Variants in SH3KBP1 observed in about 807,000 individuals in gnomAD.
SH3KBP1 encodes SH3 domain containing kinase binding protein 1, also known as SH3 domain-containing kinase-binding protein 1.
SH3KBP1 carries 8 observed loss-of-function variants against 50.1 expected under a neutral mutation model. That is an observed-to-expected ratio of 0.16 (90% CI 0.09 to 0.29). The LOEUF is 0.29. SH3KBP1 is among the 10% of genes least tolerant of loss of function. SH3KBP1 has a pLI of 1.00. For missense variants in SH3KBP1, 377 were observed against 535.2 expected (o/e 0.70, Z 2.92); for synonymous variants, 227 against 218.6 (o/e 1.04, Z -0.34).
At chrX:19,814,256 C>T (rs1372601953) in intron 2 of SH3KBP1, among the ~76,000 whole-genome samples, 1 of 111,357 alleles carries the variant, frequency 9.0e-6, no homozygotes, top group Non-Finnish European at 1.9e-5. Context: ...ACCCCCTGGT[C>T]TCCCCTGTAT....
At position 19,551,550 on chromosome X, in the gene SH3KBP1, C is replaced by CTTTTTTTTTTTTTTTTTTTTTTTTTT. The variant is rs397800260; in HGVS notation, c.1385-1468_1385-1467insAAAAAAAAAAAAAAAAAAAAAAAAAA. Among the ~76,000 whole-genome samples, 32 of 95,134 alleles carry CTTTTTTTTTTTTTTTTTTTTTTTTTT rather than the reference C, an allele frequency of 3.4e-4. 1 individual carries two copies. Among genetic ancestry groups the CTTTTTTTTTTTTTTTTTTTTTTTTTT allele is most frequent in the African/African-American group, 1.2e-3 (29 of 23,220 alleles). The allele number at this position is 95,134 out of a possible 115,157, so 82.6% of individuals were successfully genotyped here. On this transcript the variant is annotated intron_variant, in intron 13 of 17. Transcript: ENST00000397821. ...CTTTCTTTTCTTTCCCTCCCTCCCT[C>CTTTTTTTTTTTTTTTTTTTTTTTTTT]TTTTTTTTTTTTTTGACAGGGTCTT...
Position 19,621,773 on chromosome X carries a change from C to T in SH3KBP1, c.897+10091G>A, listed in dbSNP as rs1438252032. 2.7e-5 allele frequency among the ~76,000 whole-genome samples: 3 copies of T among 111,521 alleles called. No individual in the cohort carries two copies. In the Admixed American group the frequency reaches 2.9e-4, roughly 11 times the overall value. On this transcript the variant is annotated intron_variant, in intron 8 of 17. Transcript: ENST00000397821. Reference sequence around the variant, plus strand: ...GTAATTGTGACACAGACTGCATGACCCACAAAGCCTGAAATATTTACTCCC... The same window carrying T: ...GTAATTGTGACACAGACTGCATGACTCACAAAGCCTGAAATATTTACTCCC...
intron 1 of SH3KBP1, among the ~76,000 whole-genome samples, chrX:19,837,420 C>A (rs1195188502): frequency 9.2e-6 from 1 of 108,707 alleles, no homozygotes; most frequent in Non-Finnish European, 1.9e-5. Context: ...TTAGACTGGA[C>A]TTCTCCTCAT....
chrX:19,771,265 T>A (rs1231624472), intron 2 of SH3KBP1, among the ~76,000 whole-genome samples: 1 of 112,684 alleles, frequency 8.9e-6, no homozygotes, highest in Non-Finnish European at 1.9e-5. Context: ...CAAAATTTTT[T>A]CTTTATAAGA....
At chrX:19,733,590 T>TA (rs777710996) in intron 3 of SH3KBP1, among the ~76,000 whole-genome samples, 1 of 110,163 alleles carries the variant, frequency 9.1e-6, no homozygotes, top group Non-Finnish European at 1.9e-5. Context: ...GAAGCCAGTA[T>TA]AAAAAAAGGA....
chrX:19,821,367 G>A (rs1001825528), intron 2 of SH3KBP1, among the ~76,000 whole-genome samples: 1 of 111,064 alleles, frequency 9.0e-6, no homozygotes, highest in Non-Finnish European at 1.9e-5. Flanking sequence ...CTCCAGCCTG[G>A]ACAACAGAGC....
chrX:19,612,909 G>C (rs1381487686), intron 8 of SH3KBP1, among the ~76,000 whole-genome samples: 1 of 112,322 alleles, frequency 8.9e-6, no homozygotes, highest in African/African-American at 3.2e-5. Flanking sequence ...GGGCAGACTT[G>C]CTGAGCGTAA....
chrX:19,793,595 C>T (rs1364026990), intron 2 of SH3KBP1, among the ~76,000 whole-genome samples: 1 of 110,883 alleles, frequency 9.0e-6, no homozygotes, highest in Non-Finnish European at 1.9e-5. Context: ...GCACCATGCA[C>T]ATGTGAATGC....
Position 19,536,417 on chromosome X carries a change from T to C in SH3KBP1, c.1998A>G (p.Ter666TrpextTer5). 8.8e-7 allele frequency: 1 copy of C among 1,134,910 alleles called. No homozygotes were observed. Among genetic ancestry groups the C allele is most frequent in the Non-Finnish European group, 1.2e-6 (1 of 835,456 alleles). 93.5% of individuals were successfully genotyped at this position (1,134,910 alleles called of 1,213,427 possible). ...NDIKKALQSK[*>W] ...ATGTGACATTTCATTGATCAAGTAT[T>C]CATTTTGATTGTAGAGCTTTCTTTA... Residue 666 changes from the stop codon to tryptophan, a stop_lost, in exon 18 of 18, where the codon TGA (stop) becomes TGG (tryptophan). Coordinates refer to ENST00000397821, the MANE Select transcript of SH3KBP1 (RefSeq NM_031892.3).
intron 6 of SH3KBP1, among the ~76,000 whole-genome samples, chrX:19,656,567 T>C (rs1044268819): frequency 1.8e-5 from 2 of 111,762 alleles, no homozygotes; most frequent in African/African-American, 6.5e-5. Flanking sequence ...ACATAGTTAC[T>C]GGGTGTCAAT....
chrX:19,600,829 T>G (rs1431187540), intron 9 of SH3KBP1, among the ~76,000 whole-genome samples: 1 of 111,106 alleles, frequency 9.0e-6, no homozygotes, highest in African/African-American at 3.3e-5. Flanking sequence ...GGCTTCAGCC[T>G]GCTCAATTTG....
At chrX:19,542,771 C>T (rs1331879797) in intron 15 of SH3KBP1, among the ~76,000 whole-genome samples, 3 of 111,958 alleles carry the variant, frequency 2.7e-5, no homozygotes, top group Non-Finnish European at 5.6e-5. Context: ...GGAGGGAACA[C>T]GCCAGGCAAA....
At chrX:19,671,432 C>T (rs953829923) in intron 6 of SH3KBP1, among the ~76,000 whole-genome samples, 2 of 108,694 alleles carry the variant, frequency 1.8e-5, no homozygotes, top group African/African-American at 3.4e-5. Flanking sequence ...GAAAAACAGC[C>T]GTGGCTTTAT....
At chrX:19,597,131 A>G (rs1468785126) in intron 9 of SH3KBP1, among the ~76,000 whole-genome samples, 1 of 111,264 alleles carries the variant, frequency 9.0e-6, no homozygotes, top group African/African-American at 3.3e-5. Context: ...TTAAATAACA[A>G]GACTTGAAAG....
chrX:19,760,457 T>C (rs992208123), intron 2 of SH3KBP1, among the ~76,000 whole-genome samples: 1 of 109,070 alleles, frequency 9.2e-6, no homozygotes, highest in Admixed American at 9.8e-5. Flanking sequence ...TACTGGAAGG[T>C]ACTTCTAGAG....
At chrX:19,871,663 T>C (rs1221995956) in intron 1 of SH3KBP1, among the ~76,000 whole-genome samples, 2 of 111,752 alleles carry the variant, frequency 1.8e-5, no homozygotes, top group Non-Finnish European at 3.8e-5. Context: ...AGTGATGAAT[T>C]AAAAAGGCCA....
At chrX:19,781,225 G>C (rs1350721182) in intron 2 of SH3KBP1, among the ~76,000 whole-genome samples, 1 of 111,447 alleles carries the variant, frequency 9.0e-6, no homozygotes, top group Non-Finnish European at 1.9e-5. Flanking sequence ...ATGCCTTGGG[G>C]ATCTTGCTAA....
At chrX:19,547,995 C>T (rs977457081) in intron 14 of SH3KBP1, among the ~76,000 whole-genome samples, 2 of 112,891 alleles carry the variant, frequency 1.8e-5, no homozygotes, top group Non-Finnish European at 3.7e-5. Flanking sequence ...CAAATGAAAT[C>T]ACTTCATATA....
chrX:19,572,253 A>G (rs1410684938), intron 12 of SH3KBP1, among the ~76,000 whole-genome samples: 5 of 106,932 alleles, frequency 4.7e-5, no homozygotes, highest in Non-Finnish European at 9.5e-5. Context: ...TATATAGAGT[A>G]CATATATGTT....
Sources: gnomAD v4.1 joint callset for allele counts (sites outside exome capture counted in the v4.1 genomes callset) on GRCh38, gnomAD v4.1.1 for gene constraint, MANE v1.5 for transcripts, NCBI Gene and HGNC (gene_info 2026-07-23, HGNC 2026-07-21) for gene names.